Variants in CNTNAP5 observed in about 807,000 individuals in gnomAD.
CNTNAP5 encodes contactin-associated protein-like 5.
In CNTNAP5, 72 loss-of-function variants were observed where a neutral mutation model predicts 150.2. The ratio of observed to expected loss-of-function variants is 0.48; its 90% CI spans 0.40 to 0.58. The LOEUF (loss-of-function observed/expected upper bound fraction) is 0.58, where lower values mean the gene tolerates loss of function less well. Ranked by LOEUF, CNTNAP5 falls within the 20% of genes least tolerant of loss-of-function variation. The pLI, the probability that CNTNAP5 is intolerant of heterozygous loss-of-function variation, is 0.00. For synonymous variants in CNTNAP5, 672 were observed against 619.8 expected, an observed-to-expected ratio of 1.08 and a Z score of -1.25; for missense variants, 1,636 against 1,626.2, an observed-to-expected ratio of 1.01 and a Z score of -0.10.
chr2:124,296,140 A>G (rs899483492), intron 3 of CNTNAP5, among the ~76,000 whole-genome samples: 4 of 152,180 alleles, frequency 2.6e-5, no homozygotes, highest in African/African-American at 7.2e-5. Flanking sequence ...TCACTTGATT[A>G]TAGTGATAGT....
intron 3 of CNTNAP5, among the ~76,000 whole-genome samples, chr2:124,311,554 C>A (rs72964633): frequency 6.6e-6 from 1 of 152,092 alleles, no homozygotes; most frequent in Non-Finnish European, 1.5e-5. Flanking sequence ...CCTAAAAGTC[C>A]TTTCTCCAAA....
At chr2:124,678,796 A>C (rs1424850819) in intron 13 of CNTNAP5, among the ~76,000 whole-genome samples, 1 of 151,844 alleles carries the variant, frequency 6.6e-6, no homozygotes, top group East Asian at 1.9e-4. Context: ...TCCAGATCCA[A>C]TTGCCTGGTA....
chr2:124,332,005 CAATT>C (rs1302303542), intron 3 of CNTNAP5, among the ~76,000 whole-genome samples: 2 of 151,710 alleles, frequency 1.3e-5, no homozygotes, highest in African/African-American at 4.8e-5. Context: ...TAATCTTTGT[CAATT>C]GATTACACAT....
At chr2:124,853,968 T>C (rs1375006744) in intron 19 of CNTNAP5, among the ~76,000 whole-genome samples, 1 of 152,228 alleles carries the variant, frequency 6.6e-6, no homozygotes, top group Admixed American at 6.5e-5. Flanking sequence ...TCCATCCCTG[T>C]TCCCACAAAA....
At chr2:124,825,199 A>G (rs559046727) in intron 19 of CNTNAP5, among the ~76,000 whole-genome samples, 1 of 152,334 alleles carries the variant, frequency 6.6e-6, no homozygotes, top group South Asian at 2.1e-4. Flanking sequence ...CTTGTATACA[A>G]GGCATAGTGT....
chr2:124,887,448 C>T (rs1055762960), intron 21 of CNTNAP5, among the ~76,000 whole-genome samples: 5 of 152,122 alleles, frequency 3.3e-5, no homozygotes, highest in Middle Eastern at 3.4e-3. Context: ...CTCAAGACTG[C>T]GGGATTCCCA....
intron 2 of CNTNAP5, among the ~76,000 whole-genome samples, chr2:124,231,959 A>G (rs1164887893): frequency 1.3e-5 from 2 of 152,168 alleles, no homozygotes; most frequent in Non-Finnish European, 2.9e-5. Flanking sequence ...GGCACAAAAA[A>G]AAAGTTCCAA....
intron 3 of CNTNAP5, among the ~76,000 whole-genome samples, chr2:124,381,961 G>T (rs1690806573): frequency 6.6e-6 from 1 of 152,136 alleles, no homozygotes; most frequent in African/African-American, 2.4e-5. Flanking sequence ...GTGGTGTCAG[G>T]GAAGCAACGA....
chr2:124,377,349 G>A (rs548921138), intron 3 of CNTNAP5, among the ~76,000 whole-genome samples: 64 of 152,190 alleles, frequency 4.2e-4, no homozygotes, highest in Non-Finnish European at 8.5e-4. Context: ...AGTGTAAAAG[G>A]TGTAGAAACA....
intron 3 of CNTNAP5, among the ~76,000 whole-genome samples, chr2:124,349,576 C>T (rs889815319): frequency 1.3e-5 from 2 of 152,164 alleles, no homozygotes; most frequent in African/African-American, 4.8e-5. Context: ...AGCACTAACT[C>T]TTTGTCTAAC....
At chr2:124,115,650 T>TC (rs1201752532) in intron 1 of CNTNAP5, among the ~76,000 whole-genome samples, 4 of 135,414 alleles carry the variant, frequency 3.0e-5, no homozygotes. Context: ...ATAATAGTCT[T>TC]TTTTTTTTTT....
At position 124,027,504 on chromosome 2, in the gene CNTNAP5, C is replaced by G. The variant is rs189498987; in HGVS notation, c.82+1772C>G. Among the ~76,000 whole-genome samples, 44 of 152,290 alleles carry G rather than the reference C, an allele frequency of 2.9e-4. No individual in the cohort carries two copies. In the East Asian group the frequency reaches 6.6e-3, roughly 23 times the overall value. The stretch of plus-strand genomic sequence containing the variant: ...GGCTGTGGACTTTCTAATGCAACAC[C>G]TTTTCTTAAGAGCCAATAAAACAAA... On this transcript the variant is annotated intron_variant, in intron 1 of 23. Coordinates refer to ENST00000682447, the MANE Select transcript of CNTNAP5 (RefSeq NM_001367498.1).
chr2:124,480,328 T>A (rs1234481287), intron 7 of CNTNAP5, among the ~76,000 whole-genome samples: 1 of 152,216 alleles, frequency 6.6e-6, no homozygotes, highest in East Asian at 1.9e-4. Flanking sequence ...ACAGATGTAT[T>A]GAAGAGTAAC....
At chr2:124,276,217 GTCTAA>G (rs1687880741) in intron 3 of CNTNAP5, among the ~76,000 whole-genome samples, 2 of 152,034 alleles carry the variant, frequency 1.3e-5, no homozygotes, top group East Asian at 3.9e-4. Flanking sequence ...TATAATACAA[GTCTAA>G]AGTTAACAAT....
At chr2:124,207,120 T>C (rs1374983467) in intron 1 of CNTNAP5, among the ~76,000 whole-genome samples, 1 of 152,200 alleles carries the variant, frequency 6.6e-6, no homozygotes, top group Non-Finnish European at 1.5e-5. Flanking sequence ...CTAACACATG[T>C]TACAGACTTT....
At chr2:124,554,862 G>A (rs1007910120) in intron 10 of CNTNAP5, among the ~76,000 whole-genome samples, 6 of 152,102 alleles carry the variant, frequency 3.9e-5, no homozygotes, top group African/African-American at 1.4e-4. Flanking sequence ...ACTAGAGCTG[G>A]CCAATTCAAA....
intron 13 of CNTNAP5, among the ~76,000 whole-genome samples, chr2:124,667,506 C>T (rs1392671872): frequency 6.6e-6 from 1 of 152,206 alleles, no homozygotes; most frequent in African/African-American, 2.4e-5. Flanking sequence ...ATGCCTCTTG[C>T]AGTCATTCAT....
At chr2:124,126,178 A>G (rs1429143479) in intron 1 of CNTNAP5, among the ~76,000 whole-genome samples, 1 of 152,190 alleles carries the variant, frequency 6.6e-6, no homozygotes, top group East Asian at 1.9e-4. Flanking sequence ...CAAGACTAAT[A>G]AAGAAGAAAA....
chr2:124,407,308 T>C (rs1691598126), intron 3 of CNTNAP5, among the ~76,000 whole-genome samples: 1 of 152,236 alleles, frequency 6.6e-6, no homozygotes, highest in African/African-American at 2.4e-5. Context: ...GCTTTATAGC[T>C]AATAAATTAT....
Sources: allele counts gnomAD v4.1 joint callset (sites outside exome capture counted in the v4.1 genomes callset), GRCh38; gene constraint gnomAD v4.1.1; transcripts MANE v1.5; gene names NCBI Gene and HGNC (gene_info 2026-07-23, HGNC 2026-07-21).